Variants in NRG1 observed in about 807,000 individuals in gnomAD.
NRG1 encodes the protein pro-neuregulin-1, membrane-bound isoform.
A neutral mutation model predicts 63.8 loss-of-function variants in NRG1; 18 were observed. That is an observed-to-expected ratio of 0.28 (90% confidence interval 0.19 to 0.42). The LOEUF (loss-of-function observed/expected upper bound fraction) is 0.42. NRG1 is among the 10% of genes least tolerant of loss of function. The pLI, the probability that NRG1 is intolerant of heterozygous loss-of-function variation, is 1.00. For synonymous variants in NRG1, 302 were observed against 301.3 expected, an observed-to-expected ratio of 1.00 and a Z score of -0.02; for missense variants, 762 against 814.7, an observed-to-expected ratio of 0.94 and a Z score of 0.79.
chr8:32,446,682 T>C (rs894828918), intron 1 of NRG1, among the ~76,000 whole-genome samples: 26 of 151,762 alleles, frequency 1.7e-4, no homozygotes, highest in Non-Finnish European at 5.9e-5. Flanking sequence ...GAAGATTGAT[T>C]TCCTGTAGAC....
rs143563612 is a variant in NRG1, at chr8:31,824,705, T to C, written c.37+185274T>C. Among the ~76,000 whole-genome samples the C allele has an allele frequency of 3.8e-3, 584 of 152,358 alleles. 1 individual carries two copies. The highest frequency in any genetic ancestry group is 0.02 in the Middle Eastern group (6 of 294). On this transcript the variant is annotated intron_variant, in intron 1 of 10. Transcript: ENST00000519301. ...GTAAAGCTAATTGTTTTAATAACAG[T>C]ATAATTGGCGAAAGGAAGTTATGTG...
intron 1 of NRG1, among the ~76,000 whole-genome samples, chr8:32,150,780 TA>T (rs1837417598): frequency 6.6e-6 from 1 of 152,092 alleles, no homozygotes; most frequent in Admixed American, 6.5e-5. Context: ...CATGTTCAAG[TA>T]AAAGAGAAAA....
At chr8:32,412,433 T>TATATATATAC (rs1815154331) in intron 1 of NRG1, among the ~76,000 whole-genome samples, 2 of 40,142 alleles carry the variant, frequency 5.0e-5, no homozygotes, top group African/African-American at 1.3e-4. Flanking sequence ...CATATATATA[T>TATATATATAC]ATATATATAT....
At chr8:32,240,279 T>C (rs1005973306) in intron 1 of NRG1, among the ~76,000 whole-genome samples, 1 of 152,198 alleles carries the variant, frequency 6.6e-6, no homozygotes, top group African/African-American at 2.4e-5. Context: ...AAGGGAATTG[T>C]GCTAACTAAA....
chr8:32,323,579 C>T (rs1349881300), intron 1 of NRG1, among the ~76,000 whole-genome samples: 1 of 152,232 alleles, frequency 6.6e-6, no homozygotes, highest in Non-Finnish European at 1.5e-5. Context: ...GAATTGTGAG[C>T]TCTAAATGAT....
intron 1 of NRG1, among the ~76,000 whole-genome samples, chr8:32,110,696 C>G (rs574941402): frequency 6.6e-6 from 1 of 152,258 alleles, no homozygotes; most frequent in South Asian, 2.1e-4. Flanking sequence ...CTTGACAGAT[C>G]CTTTTGAACT....
chr8:31,857,001 C>T (rs1023839434), intron 1 of NRG1, among the ~76,000 whole-genome samples: 25 of 152,258 alleles, frequency 1.6e-4, no homozygotes, highest in African/African-American at 6.0e-4. Context: ...CTGGGAGAAC[C>T]ACTGCTCTCT....
At chr8:32,257,736 C>A (rs1849892237) in intron 1 of NRG1, among the ~76,000 whole-genome samples, 1 of 152,252 alleles carries the variant, frequency 6.6e-6, no homozygotes, top group African/African-American at 2.4e-5. Context: ...ATAAAAGGGG[C>A]AGGGCGACCC....
intron 1 of NRG1, among the ~76,000 whole-genome samples, chr8:31,800,302 G>A (rs1343791974): frequency 6.6e-6 from 1 of 152,164 alleles, no homozygotes; most frequent in Non-Finnish European, 1.5e-5. Context: ...AACATCTGAT[G>A]TGAGAACGAA....
chr8:32,764,554 T>A, exon 12 of NRG1: 1 of 691,912 alleles, frequency 1.4e-6, no homozygotes, highest in East Asian at 3.0e-5. Context: ...TATGTAAAAA[T>A]GTGTTATGTG....
chr8:32,599,289 A>T (rs563727283), intron 2 of NRG1, among the ~76,000 whole-genome samples: 1 of 152,108 alleles, frequency 6.6e-6, no homozygotes, highest in Non-Finnish European at 1.5e-5. Flanking sequence ...GGTGAAGTTT[A>T]GTTTGAGGTG....
intron 1 of NRG1, among the ~76,000 whole-genome samples, chr8:32,524,126 A>T (rs1226632153): frequency 6.6e-6 from 1 of 151,998 alleles, no homozygotes; most frequent in Non-Finnish European, 1.5e-5. Flanking sequence ...GTTTCTATAA[A>T]AAACACAAAA....
At chr8:31,918,053 G>A (rs970345272) in intron 1 of NRG1, among the ~76,000 whole-genome samples, 1 of 152,088 alleles carries the variant, frequency 6.6e-6, no homozygotes, top group Non-Finnish European at 1.5e-5. Flanking sequence ...CATTGATTTT[G>A]TATCCTGAGA....
At chr8:32,361,688 C>T (rs1046092024) in intron 1 of NRG1, among the ~76,000 whole-genome samples, 1 of 152,210 alleles carries the variant, frequency 6.6e-6, no homozygotes, top group African/African-American at 2.4e-5. Context: ...CCTTGGAAAC[C>T]TTGAGACAGC....
At chr8:32,258,568 G>T (rs773755658) in intron 1 of NRG1, among the ~76,000 whole-genome samples, 4 of 152,266 alleles carry the variant, frequency 2.6e-5, no homozygotes, top group East Asian at 1.9e-4. Flanking sequence ...CTCAGGAAAC[G>T]TACAGTTATG....
At chr8:32,583,835 G>A (rs1266062867) in intron 1 of NRG1, among the ~76,000 whole-genome samples, 2 of 152,314 alleles carry the variant, frequency 1.3e-5, no homozygotes, top group East Asian at 1.9e-4. Context: ...ATCCAAGTAA[G>A]GTCTCCAGTG....
At chr8:32,499,292 T>G (rs1396143718) in intron 1 of NRG1, among the ~76,000 whole-genome samples, 1 of 152,176 alleles carries the variant, frequency 6.6e-6, no homozygotes, top group Admixed American at 6.5e-5. Context: ...GAGAGGCATT[T>G]CTATGAAAAC....
chr8:32,393,775 G>A (rs1031315918), intron 1 of NRG1, among the ~76,000 whole-genome samples: 6 of 152,094 alleles, frequency 3.9e-5, no homozygotes, highest in African/African-American at 1.4e-4. Context: ...AAAAATAACT[G>A]TTGGGTACTA....
chr8:32,622,803 A>G lies in NRG1; in HGVS notation c.502+5918A>G, dbSNP rs184335699. Among the ~76,000 whole-genome samples, 1,288 of 152,310 alleles carry G rather than the reference A, an allele frequency of 8.5e-3. 3 individuals are homozygous for G. The highest frequency in any genetic ancestry group is 0.027 in the Middle Eastern group (8 of 294). Reference sequence around the variant, plus strand: ...TCATTTAGCACAACTTTGCTTTAAGATGGTCCCTTCATGTATGGAAGAGAG... The same window carrying G: ...TCATTTAGCACAACTTTGCTTTAAGGTGGTCCCTTCATGTATGGAAGAGAG... On this transcript the variant is annotated intron_variant, in intron 5 of 11. Transcript: ENST00000356819.
Sources: allele counts gnomAD v4.1 joint callset (sites outside exome capture counted in the v4.1 genomes callset), GRCh38; gene constraint gnomAD v4.1.1; transcripts MANE v1.5; gene names NCBI Gene and HGNC (gene_info 2026-07-23, HGNC 2026-07-21).